Variants in SHTN1 observed in about 807,000 individuals in gnomAD.
SHTN1 encodes shootin-1.
A neutral mutation model predicts 83.1 loss-of-function variants in SHTN1; 42 were observed. The observed-to-expected ratio is 0.51, with a 90% CI of 0.39 to 0.65. The LOEUF (loss-of-function observed/expected upper bound fraction) is 0.65. SHTN1 is among the 30% of genes least tolerant of loss of function. The pLI is 0.00. For missense variants in SHTN1, 622 were observed against 737.8 expected (o/e 0.84, Z 1.82); for synonymous variants, 224 against 247.7 (o/e 0.90, Z 0.90).
intron 1 of SHTN1, among the ~76,000 whole-genome samples, chr10:116,998,816 G>C (rs1348166726): frequency 6.6e-6 from 1 of 152,126 alleles, no homozygotes; most frequent in Non-Finnish European, 1.5e-5. Flanking sequence ...AATGGCATTA[G>C]AAGCCAAGTT....
At chr10:117,023,051 G>A (rs1852285680) in intron 2 of SHTN1, among the ~76,000 whole-genome samples, 1 of 152,118 alleles carries the variant, frequency 6.6e-6, no homozygotes, top group Non-Finnish European at 1.5e-5. Flanking sequence ...TTTGACTTAA[G>A]AATTTAATAT....
intron 1 of SHTN1, among the ~76,000 whole-genome samples, chr10:117,116,406 G>C (rs1853848682): frequency 2.0e-5 from 3 of 152,054 alleles, no homozygotes; most frequent in Admixed American, 2.0e-4. Flanking sequence ...CAAGTAATGA[G>C]ATGGAGGCCA....
At chr10:117,070,261 G>C (rs916583444) in intron 1 of SHTN1, among the ~76,000 whole-genome samples, 2 of 152,100 alleles carry the variant, frequency 1.3e-5, no homozygotes, top group Admixed American at 1.3e-4. Context: ...TCTTATGTGT[G>C]TGTGTGTGGA....
chr10:116,900,399 G>T, intron 16 of SHTN1: 1 of 734,226 alleles, frequency 1.4e-6, no homozygotes, highest in Non-Finnish European at 2.3e-6. Context: ...CCTTTTCACT[G>T]TCAATTCAAC....
In SHTN1 at chr10:116,935,042, TATCAGCTTA is replaced by T; in HGVS notation, c.859-5049_859-5041del. Among the ~76,000 whole-genome samples the T allele has an allele frequency of 2.0e-5, 3 of 152,334 alleles. No homozygotes were observed. The East Asian group carries it at 5.8e-4, about 29-fold the overall frequency. On this transcript the variant is annotated intron_variant, in intron 9 of 16. Transcript: ENST00000355371. Reference sequence around the variant, plus strand: ...ATCCTGAGACTTTGCTGAAGTTGCTTATCAGCTTAAGGAGATTTTGGGCTGAAACGATGG... The same window carrying T: ...ATCCTGAGACTTTGCTGAAGTTGCTTAGGAGATTTTGGGCTGAAACGATGG...
chr10:116,959,209 G>T (rs1251967254), intron 4 of SHTN1, among the ~76,000 whole-genome samples: 1 of 152,188 alleles, frequency 6.6e-6, no homozygotes, highest in Non-Finnish European at 1.5e-5. Flanking sequence ...GTGTATTGCT[G>T]TGTATTCTTC....
chr10:117,123,398 C>T (rs1853958975), intron 1 of SHTN1, among the ~76,000 whole-genome samples: 1 of 152,048 alleles, frequency 6.6e-6, no homozygotes, highest in Non-Finnish European at 1.5e-5. Context: ...CATTTGATGC[C>T]ACTTAAATTT....
chr10:117,109,172 A>T (rs1163148185), intron 1 of SHTN1, among the ~76,000 whole-genome samples: 1 of 152,122 alleles, frequency 6.6e-6, no homozygotes, highest in Non-Finnish European at 1.5e-5. Context: ...CCTTGGTCCC[A>T]CCCCTAGAAT....
chr10:117,089,152 T>C (rs1226165715), intron 1 of SHTN1, among the ~76,000 whole-genome samples: 3 of 152,210 alleles, frequency 2.0e-5, no homozygotes, highest in East Asian at 1.9e-4. Context: ...CAGTGGCTGT[T>C]GAGGGTAGGA....
chr10:117,054,315 G>T (rs1175437160), intron 1 of SHTN1, among the ~76,000 whole-genome samples: 1 of 151,890 alleles, frequency 6.6e-6, no homozygotes, highest in Non-Finnish European at 1.5e-5. Flanking sequence ...AAAACCTAAG[G>T]CCATGCAAGT....
intron 1 of SHTN1, among the ~76,000 whole-genome samples, chr10:117,122,652 T>G (rs1475780591): frequency 6.6e-6 from 1 of 152,182 alleles, no homozygotes; most frequent in Non-Finnish European, 1.5e-5. Flanking sequence ...ACTTATGAAA[T>G]CCTAGGGACC....
At chr10:117,111,586 C>G (rs976313936) in intron 1 of SHTN1, among the ~76,000 whole-genome samples, 9 of 152,054 alleles carry the variant, frequency 5.9e-5, no homozygotes. Context: ...GCCACTGCAC[C>G]TGGCCAAGAA....
rs1433660075 is a variant in SHTN1 at position 116,967,942 on chromosome 10, G to A, written c.172+710C>T. 5.3e-5 allele frequency among the ~76,000 whole-genome samples: 8 copies of A among 152,258 alleles called. No homozygotes were observed. In the South Asian group the frequency reaches 6.2e-4, roughly 12 times the overall value. On this transcript the variant is annotated intron_variant, in intron 3 of 16. Transcript: ENST00000355371. ...CTCCCGCCTGTAATTCCAGCACTTC[G>A]GGAGGCCAAGGCAGGAGGATCACGA...
chr10:116,964,709 G>A (rs1186059642), intron 3 of SHTN1, among the ~76,000 whole-genome samples: 6 of 152,214 alleles, frequency 3.9e-5, no homozygotes, highest in African/African-American at 9.6e-5. Context: ...GGGGCTGGGC[G>A]CGGTGGCTCA....
At chr10:116,953,474 A>G (rs1332886121) in intron 5 of SHTN1, among the ~76,000 whole-genome samples, 1 of 152,158 alleles carries the variant, frequency 6.6e-6, no homozygotes, top group Non-Finnish European at 1.5e-5. Flanking sequence ...TATATACCCT[A>G]TGGTGATTTG....
chr10:117,106,265 G>A (rs960548344), intron 1 of SHTN1, among the ~76,000 whole-genome samples: 3 of 152,070 alleles, frequency 2.0e-5, no homozygotes, highest in African/African-American at 7.2e-5. Context: ...GACCATCCTG[G>A]CCAACATGGT....
chr10:116,967,533 CCAT>C (rs1459483402), intron 3 of SHTN1, among the ~76,000 whole-genome samples: 3 of 152,200 alleles, frequency 2.0e-5, no homozygotes, highest in African/African-American at 7.2e-5. Flanking sequence ...ACCATCACCA[CCAT>C]CAAGGCTGCA....
At chr10:117,072,106 A>C (rs995902388) in intron 1 of SHTN1, among the ~76,000 whole-genome samples, 4 of 152,216 alleles carry the variant, frequency 2.6e-5, no homozygotes, top group African/African-American at 9.6e-5. Flanking sequence ...TGAATGAAGA[A>C]AAATTTAGTT....
intron 4 of SHTN1, among the ~76,000 whole-genome samples, chr10:116,955,715 G>T (rs1363798631): frequency 6.6e-6 from 1 of 152,150 alleles, no homozygotes; most frequent in Admixed American, 6.5e-5. Flanking sequence ...GAGCACGAGA[G>T]GTTTGTCTGA....
Sources: gnomAD v4.1 joint callset for allele counts (sites outside exome capture counted in the v4.1 genomes callset) on GRCh38, gnomAD v4.1.1 for gene constraint, MANE v1.5 for transcripts, NCBI Gene and HGNC (gene_info 2026-07-23, HGNC 2026-07-21) for gene names.